TLE2: variants seen among roughly 807,000 people sequenced by gnomAD.
TLE2 encodes transducin-like enhancer protein 2.
Under a neutral mutation model 97.2 loss-of-function variants are expected in TLE2, and 74 were observed. The observed-to-expected ratio is 0.76, with a 90% CI of 0.63 to 0.92. The LOEUF (loss-of-function observed/expected upper bound fraction) is 0.92. Ranked by LOEUF, TLE2 falls within the 40% of genes least tolerant of loss-of-function variation. The probability of loss-of-function intolerance (pLI) is 0.00; values close to 1 mark genes in which losing one functional copy is unlikely to be tolerated. For synonymous variants in TLE2, 499 were observed against 432.1 expected (o/e 1.15, Z -1.92); for missense variants, 1,038 against 1,008.7 (o/e 1.03, Z -0.39).
rs1401332380 is a variant in TLE2, at chr19:3,019,010, T to A, written c.550+273A>T. On this transcript the variant is annotated intron_variant, in intron 7 of 19. Transcript: ENST00000262953. The surrounding 1 kb of genome is among the most constrained non-coding windows in gnomAD (Gnocchi z 5.1). ...AACTCCCGGCCTCAAGTGATCCTCC[T>A]GCCTCGGCCTCCTAAGTACCTGGGA... Among the ~76,000 whole-genome samples the A allele has an allele frequency of 1.3e-5, 2 of 152,042 alleles. No individual in the cohort carries two copies. The highest frequency in any genetic ancestry group is 4.8e-5 in the African/African-American group (2 of 41,402).
At chr19:3,047,297 G>A (rs1490464765), upstream of TLE2, among the ~76,000 whole-genome samples, 2 of 145,936 alleles carry the variant, frequency 1.4e-5, no homozygotes, top group Non-Finnish European at 3.0e-5. Context: ...GAGGGGGCTC[G>A]GAGCCCGCGC....
At chr19:3,007,332 C>T (rs911931825) in intron 14 of TLE2, among the ~76,000 whole-genome samples, 7 of 151,320 alleles carry the variant, frequency 4.6e-5, no homozygotes, top group Admixed American at 2.0e-4. Context: ...TCAAATGATC[C>T]TCCCACCTCG....
chr19:3,024,920 G>C (rs1033237762), intron 5 of TLE2, 100 bp downstream of exon 5: 3 of 1,026,758 alleles, frequency 2.9e-6, no homozygotes, highest in South Asian at 3.0e-5. Context: ...TGCAGGCTAC[G>C]CGGCAGAATC....
Position 3,005,691 on chromosome 19 carries a change from G to C in TLE2, c.1748+30C>G, listed in dbSNP as rs181337463. 2.4e-3 allele frequency: 3,917 copies of C among 1,608,724 alleles called. 5 individuals are homozygous for C. Among genetic ancestry groups the C allele is most frequent in the Admixed American group, 3.0e-3 (179 of 59,820 alleles). On this transcript the variant is annotated intron_variant, in intron 16 of 19. Transcript: ENST00000262953. ...CTGCACCGAGAGCGGCCGGGGGCTT[G>C]CCCAAGGTCCCAGCGCACCTGCCAC...
intron 10 of TLE2, 28 bp downstream of exon 10, chr19:3,014,542 G>A (rs765208091): frequency 1.5e-5 from 24 of 1,552,494 alleles, no homozygotes; most frequent in Non-Finnish European, 1.8e-5. Flanking sequence ...GCCCAGAGTC[G>A]GGGAAGAGGC....
At chr19:3,046,656 T>C (rs1459347423), upstream of TLE2, among the ~76,000 whole-genome samples, 4 of 147,528 alleles carry the variant, frequency 2.7e-5, no homozygotes, top group African/African-American at 9.9e-5. Context: ...AACCATTGTG[T>C]GGATGGGGGC....
rs753458371 is a variant in TLE2 at position 3,002,462 on chromosome 19, C to T, written c.1938G>A (p.Ala646=). ...LGHCPNQDWL[A]VGMESSNVEI... ...CCACGTTGCTACTCTCCATTCCGAC[C>T]GCCAGCCAGTCCTGGTTAGGGCAGT... Residue 646 remains alanine (A), a synonymous_variant, in exon 18 of 20, where the codon GCG becomes GCA. Transcript: ENST00000262953. The T allele has an allele frequency of 9.4e-6, 15 of 1,601,698 alleles. No homozygotes were observed. The highest frequency in any genetic ancestry group is 2.3e-5 in the East Asian group (1 of 44,264).
intron 14 of TLE2, among the ~76,000 whole-genome samples, chr19:3,007,023 G>T (rs1774665818): frequency 6.6e-6 from 1 of 151,984 alleles, no homozygotes; most frequent in African/African-American, 2.4e-5. Context: ...AACCTCAAGT[G>T]ATCTGCCCGC....
intron 5 of TLE2, among the ~76,000 whole-genome samples, chr19:3,021,454 A>G (rs967301049): frequency 2.0e-5 from 3 of 152,208 alleles, no homozygotes; most frequent in Non-Finnish European, 4.4e-5. Flanking sequence ...TCCACACAGA[A>G]GCCACTGGCC....
chr19:3,008,739 C>T (rs1392955733), intron 14 of TLE2, 130 bp downstream of exon 14: 5 of 639,124 alleles, frequency 7.8e-6, no homozygotes, highest in East Asian at 6.8e-5. Flanking sequence ...GAGTGAACCA[C>T]TGTGCCCGGC....
intron 19 of TLE2, among the ~76,000 whole-genome samples, chr19:2,998,178 C>T (rs926950948): frequency 6.6e-6 from 1 of 151,982 alleles, no homozygotes; most frequent in Non-Finnish European, 1.5e-5. Context: ...TCAAGACACT[C>T]TCCTGCCTCA....
At chr19:3,027,917 G>A in intron 3 of TLE2, 44 bp from the exon 4 acceptor site, 2 of 1,581,018 alleles carry the variant, frequency 1.3e-6, no homozygotes, top group Non-Finnish European at 1.7e-6. Context: ...GTGGAGATGG[G>A]TGCCCTCCTC....
intron 11 of TLE2, among the ~76,000 whole-genome samples, chr19:3,011,937 G>T (rs1348165262): frequency 6.7e-6 from 1 of 149,496 alleles, no homozygotes. Context: ...TTAATACAGG[G>T]TCTTGCTCTC....
At chr19:3,039,050 A>T (rs1200014658) in intron 1 of TLE2, among the ~76,000 whole-genome samples, 6 of 138,060 alleles carry the variant, frequency 4.3e-5, no homozygotes, top group Admixed American at 4.1e-4. Context: ...ACTCAAAAAA[A>T]AAATAAAAAT....
At chr19:3,015,004 G>C (rs367667720) in intron 9 of TLE2, among the ~76,000 whole-genome samples, 1 of 87,358 alleles carries the variant, frequency 1.1e-5, no homozygotes, top group Non-Finnish European at 2.3e-5. Context: ...CATTGCCAAA[G>C]AAAATAAGAC....
chr19:3,020,283 A>G (rs1599231322), intron 5 of TLE2: 1 of 154,936 alleles, frequency 6.5e-6, no homozygotes, highest in Admixed American at 6.3e-5. Context: ...CCTTTGGAGC[A>G]TCGAAGAACC....
intron 14 of TLE2, among the ~76,000 whole-genome samples, chr19:3,007,930 C>T (rs1484765778): frequency 1.3e-5 from 2 of 152,008 alleles, no homozygotes; most frequent in Non-Finnish European, 2.9e-5. Flanking sequence ...ACTAAAAATA[C>T]AAAAATTAGC....
intron 11 of TLE2, 85 bp from the exon 12 acceptor site, chr19:3,011,245 C>T (rs913089648): frequency 4.2e-6 from 6 of 1,420,912 alleles, no homozygotes; most frequent in Non-Finnish European, 3.7e-6. Flanking sequence ...GGGTTGGGGG[C>T]GGCCAGTCGC....
chr19:3,004,762 G>A (rs1186496887), intron 17 of TLE2, among the ~76,000 whole-genome samples: 1 of 152,046 alleles, frequency 6.6e-6, no homozygotes, highest in East Asian at 1.9e-4. Context: ...CAGCCACAGG[G>A]AACAAATGTG....
Sources: allele counts gnomAD v4.1 joint callset (sites outside exome capture counted in the v4.1 genomes callset), GRCh38; gene constraint gnomAD v4.1.1; non-coding constraint Gnocchi (gnomAD v3.1); transcripts MANE v1.5; gene names NCBI Gene and HGNC (gene_info 2026-07-23, HGNC 2026-07-21).